JAZF1: variants seen among roughly 807,000 people sequenced by gnomAD.
JAZF1 encodes juxtaposed with another zinc finger protein 1.
A neutral mutation model predicts 26.4 loss-of-function variants in JAZF1; 8 were observed. The observed-to-expected ratio is 0.30, with a 90% CI of 0.18 to 0.55. JAZF1 has a LOEUF of 0.55. JAZF1 is among the 20% of genes least tolerant of loss of function. The probability of loss-of-function intolerance (pLI) is 0.94; values close to 1 mark genes in which losing one functional copy is unlikely to be tolerated. For synonymous variants in JAZF1, 126 were observed against 122.3 expected (o/e 1.03, Z -0.20); for missense variants, 199 against 322.0 (o/e 0.62, Z 2.92).
chr7:27,868,922 T>C (rs757397), intron 3 of JAZF1, among the ~76,000 whole-genome samples: 110,001 of 152,048 alleles, frequency 0.72, 40,457 homozygotes, highest in African/African-American at 0.85. Context: ...ACACCAAGAA[T>C]GAAAGGGACG....
intron 2 of JAZF1, among the ~76,000 whole-genome samples, chr7:27,932,437 A>G (rs1472547631): frequency 6.6e-6 from 1 of 152,252 alleles, no homozygotes; most frequent in African/African-American, 2.4e-5. Context: ...ATGTAAAGCC[A>G]CAGACACAGT....
At position 27,856,697 on chromosome 7, in the gene JAZF1, AGCTAGACACAGAGT is replaced by A. The variant is rs200037020; in HGVS notation, c.386-15844_386-15831del. 2.0e-5 allele frequency among the ~76,000 whole-genome samples: 3 copies of A among 152,288 alleles called. No homozygotes were observed. In the East Asian group the frequency reaches 5.8e-4, roughly 29 times the overall value. On this transcript the variant is annotated intron_variant, in intron 3 of 4. Coordinates refer to ENST00000283928, the MANE Select transcript of JAZF1 (RefSeq NM_175061.4). ...TCGATTGGTGTATTTACAAACCCTG[AGCTAGACACAGAGT>A]GCTGATTGGTGCATTTACAAACCTT...
chr7:27,847,365 G>A (rs2128333170), intron 3 of JAZF1, among the ~76,000 whole-genome samples: 1 of 152,064 alleles, frequency 6.6e-6, no homozygotes, highest in Middle Eastern at 3.4e-3. Flanking sequence ...CATTGACAAG[G>A]CTAATGTCAA....
intron 2 of JAZF1, among the ~76,000 whole-genome samples, chr7:27,946,140 AG>A (rs1379344653): frequency 6.6e-6 from 1 of 152,190 alleles, no homozygotes; most frequent in Non-Finnish European, 1.5e-5. Flanking sequence ...TTGGTAGGTT[AG>A]GTGTATTAAA....
chr7:27,845,424 C>T lies in JAZF1; in HGVS notation c.386-4557G>A, dbSNP rs181317194. Among the ~76,000 whole-genome samples, 102 of 152,286 alleles carry T rather than the reference C, an allele frequency of 6.7e-4. 3 individuals are homozygous for T. In the East Asian group the frequency reaches 0.016, roughly 24 times the overall value. On this transcript the variant is annotated intron_variant, in intron 3 of 4. Transcript: ENST00000283928. ...TCAGAAGTTAGTGACTAGGGCTGGG[C>T]GCAGTGGCTCACGCCTGTAATCCCA... is the stretch of plus-strand genomic sequence containing the variant.
At chr7:27,862,393 T>C (rs577265567) in intron 3 of JAZF1, among the ~76,000 whole-genome samples, 1 of 151,888 alleles carries the variant, frequency 6.6e-6, no homozygotes, top group Non-Finnish European at 1.5e-5. Flanking sequence ...TGTCTACTGC[T>C]GCCGTCTTTA....
intron 1 of JAZF1, among the ~76,000 whole-genome samples, chr7:28,028,574 G>A (rs771652975): frequency 6.6e-6 from 1 of 152,112 alleles, no homozygotes; most frequent in Non-Finnish European, 1.5e-5. Context: ...TCCACCCCAG[G>A]AATGTAACAA....
chr7:27,983,718 C>T (rs1785635781), intron 2 of JAZF1, among the ~76,000 whole-genome samples: 1 of 152,216 alleles, frequency 6.6e-6, no homozygotes, highest in Non-Finnish European at 1.5e-5. Flanking sequence ...GGGTTACCCA[C>T]AACGGGAAGC....
At chr7:28,142,081 A>G (rs1398534686) in intron 1 of JAZF1, among the ~76,000 whole-genome samples, 2 of 152,214 alleles carry the variant, frequency 1.3e-5, no homozygotes, top group Non-Finnish European at 2.9e-5. Context: ...GATTAAATGA[A>G]ATAAAATTAA....
rs143751946 is a variant in JAZF1 at position 28,167,809 on chromosome 7, T to G, written c.115+12654A>C. 4.7e-3 allele frequency among the ~76,000 whole-genome samples: 716 copies of G among 152,358 alleles called. 4 individuals carry two copies. Among genetic ancestry groups the G allele is most frequent in the African/African-American group, 0.016 (679 of 41,570 alleles). On this transcript the variant is annotated intron_variant, in intron 1 of 4. Transcript: ENST00000283928. ...AAGAAAAAGTTTTAATTACAATGTT[T>G]TCATGTTAAAAAATAGTTAACTGCT...
chr7:27,835,051 C>T (rs1359579454), intron 4 of JAZF1, among the ~76,000 whole-genome samples: 3 of 152,158 alleles, frequency 2.0e-5, no homozygotes, highest in Non-Finnish European at 4.4e-5. Context: ...TAGCAGGGTC[C>T]TTTTCCGTGG....
In JAZF1 at chr7:27,959,554, C is replaced by G. The variant is rs551326084; in HGVS notation, c.188+32355G>C. On this transcript the variant is annotated intron_variant, in intron 2 of 4. Transcript: ENST00000283928. ...TCTCTTCTAAAGTACCTGGCACCCA[C>G]GAGTATACAGTAACCATTCTCCATA... Among the ~76,000 whole-genome samples, 5 of 152,284 alleles carry G rather than the reference C, an allele frequency of 3.3e-5. No individual in the cohort carries two copies. The South Asian group carries it at 6.2e-4, about 19-fold the overall frequency.
At chr7:28,062,861 A>T (rs1783822369) in intron 1 of JAZF1, among the ~76,000 whole-genome samples, 1 of 152,230 alleles carries the variant, frequency 6.6e-6, no homozygotes, top group Non-Finnish European at 1.5e-5. Flanking sequence ...CGTTTGACCC[A>T]GACTGACACT....
At chr7:28,031,980 G>C (rs889157263) in intron 1 of JAZF1, among the ~76,000 whole-genome samples, 2 of 152,194 alleles carry the variant, frequency 1.3e-5, no homozygotes, top group South Asian at 2.1e-4. Flanking sequence ...TGCAATGGGA[G>C]ACATGAGGAT....
chr7:27,984,505 G>C lies in JAZF1; in HGVS notation c.188+7404C>G, dbSNP rs545572853. ...TTAGACTCCCACACAATAATAACGG[G>C]AGACTTTAACACCCCACTGTCACCA... is the stretch of plus-strand genomic sequence containing the variant. On this transcript the variant is annotated intron_variant, in intron 2 of 4. Coordinates refer to ENST00000283928, the MANE Select transcript of JAZF1 (RefSeq NM_175061.4). Among the ~76,000 whole-genome samples the C allele has an allele frequency of 2.1e-4, 32 of 152,240 alleles. 1 individual carries two copies. Among genetic ancestry groups the C allele is most frequent in the African/African-American group, 7.7e-4 (32 of 41,528 alleles).
At chr7:27,915,091 TA>T (rs1370010470) in intron 2 of JAZF1, among the ~76,000 whole-genome samples, 1 of 152,120 alleles carries the variant, frequency 6.6e-6, no homozygotes, top group East Asian at 1.9e-4. Flanking sequence ...CAGGCCCTAT[TA>T]AAAAAATAAT....
intron 1 of JAZF1, among the ~76,000 whole-genome samples, chr7:28,020,196 A>G (rs747663897): frequency 2.0e-5 from 3 of 152,214 alleles, no homozygotes; most frequent in African/African-American, 4.8e-5. Flanking sequence ...ATAAGAGATA[A>G]AACTATGCTG....
chr7:28,147,129 A>G (rs1783039957), intron 1 of JAZF1, among the ~76,000 whole-genome samples: 1 of 150,986 alleles, frequency 6.6e-6, no homozygotes, highest in African/African-American at 2.4e-5. Context: ...TATAGGCATG[A>G]GCCAGTGCAC....
intron 2 of JAZF1, among the ~76,000 whole-genome samples, chr7:27,938,349 C>A (rs1435397355): frequency 6.6e-6 from 1 of 152,166 alleles, no homozygotes; most frequent in Non-Finnish European, 1.5e-5. Flanking sequence ...AACAAAACAA[C>A]AAAAACAAAA....
Sources: gnomAD v4.1 joint callset for allele counts (sites outside exome capture counted in the v4.1 genomes callset) on GRCh38, gnomAD v4.1.1 for gene constraint, MANE v1.5 for transcripts, NCBI Gene and HGNC (gene_info 2026-07-23, HGNC 2026-07-21) for gene names.